Variants in RANBP2 observed in about 807,000 individuals in gnomAD.
RANBP2 encodes E3 SUMO-protein ligase RanBP2.
RANBP2 carries 57 observed loss-of-function variants against 303.6 expected under a neutral mutation model. The ratio of observed to expected loss-of-function variants is 0.19; its 90% CI spans 0.15 to 0.23. The LOEUF is 0.23. RANBP2 is among the 10% of genes least tolerant of loss of function. The probability of loss-of-function intolerance (pLI) is 1.00; values close to 1 mark genes in which losing one functional copy is unlikely to be tolerated. For missense variants in RANBP2, 3,138 were observed against 3,780.8 expected (o/e 0.83, Z 4.46); for synonymous variants, 1,167 against 1,301.5 (o/e 0.90, Z 2.23).
At chr2:109,610,518 C>G in the RANBP2 span, among the ~76,000 whole-genome samples, 1 of 152,100 alleles carries the variant, frequency 6.6e-6, no homozygotes, top group African/African-American at 2.4e-5. Context: ...AGTTCAAGAC[C>G]AGCTTGACCA....
chr2:109,764,408 T>C, the RANBP2 span, among the ~76,000 whole-genome samples: 6 of 147,524 alleles, frequency 4.1e-5, no homozygotes, highest in Non-Finnish European at 8.9e-5. Context: ...ATAATGACCA[T>C]CCCTTTTAAC....
At chr2:109,613,252 C>A in the RANBP2 span, 3 of 1,129,254 alleles carry the variant, frequency 2.7e-6, no homozygotes, top group Admixed American at 2.4e-5. Context: ...AAACAGTGAA[C>A]AAACGCGTTC....
chr2:109,290,606 T>C, the RANBP2 span, among the ~76,000 whole-genome samples: 1 of 152,224 alleles, frequency 6.6e-6, no homozygotes, highest in African/African-American at 2.4e-5. Context: ...AAGTCCTAAG[T>C]CTTCTTGAAG....
chr2:109,621,620 A>T, the RANBP2 span, among the ~76,000 whole-genome samples: 1 of 152,124 alleles, frequency 6.6e-6, no homozygotes, highest in Non-Finnish European at 1.5e-5. Context: ...TTTGCATTTA[A>T]GAGGCAATGA....
At chr2:109,240,050 CA>C in the RANBP2 span, among the ~76,000 whole-genome samples, 1 of 152,150 alleles carries the variant, frequency 6.6e-6, no homozygotes, top group African/African-American at 2.4e-5. Context: ...GGCTCTGGCC[CA>C]GACCCTTCTC....
chr2:108,897,519 T>C, the RANBP2 span, among the ~76,000 whole-genome samples: 1 of 152,142 alleles, frequency 6.6e-6, no homozygotes, highest in African/African-American at 2.4e-5. Context: ...CATGACCATT[T>C]TTAGCAGTTC....
the RANBP2 span, among the ~76,000 whole-genome samples, chr2:109,590,361 C>T: frequency 3.9e-5 from 6 of 151,926 alleles, no homozygotes; most frequent in Admixed American, 3.3e-4. Context: ...GATTAAGGTC[C>T]CAAACCAGTC....
At chr2:109,568,269 C>T in the RANBP2 span, among the ~76,000 whole-genome samples, 2 of 152,056 alleles carry the variant, frequency 1.3e-5, no homozygotes, top group African/African-American at 4.8e-5. Flanking sequence ...TATTCTCAGC[C>T]TGGCCCTTTG....
the RANBP2 span, among the ~76,000 whole-genome samples, chr2:109,044,177 C>G: frequency 6.6e-6 from 1 of 152,066 alleles, no homozygotes; most frequent in South Asian, 2.1e-4. Context: ...AGGGGAGAAA[C>G]CCCATGACAT....
chr2:109,609,057 C>T, the RANBP2 span, among the ~76,000 whole-genome samples: 1 of 152,158 alleles, frequency 6.6e-6, no homozygotes, highest in Non-Finnish European at 1.5e-5. Context: ...ATCAATCAAT[C>T]AATCAATTAA....
At chr2:109,157,605 G>A in the RANBP2 span, among the ~76,000 whole-genome samples, 1 of 152,260 alleles carries the variant, frequency 6.6e-6, no homozygotes, top group Non-Finnish European at 1.5e-5. Context: ...TTGGAACTTG[G>A]GCTTCCTGAA....
the RANBP2 span, among the ~76,000 whole-genome samples, chr2:109,102,060 T>C: frequency 3.3e-5 from 5 of 152,116 alleles, no homozygotes; most frequent in Non-Finnish European, 7.4e-5. Flanking sequence ...CTGCAAAACC[T>C]TAGGAGTGGC....
intron 4 of RANBP2, among the ~76,000 whole-genome samples, chr2:108,733,540 G>C (rs1341800656): frequency 1.3e-5 from 2 of 152,152 alleles, no homozygotes; most frequent in African/African-American, 4.8e-5. Context: ...AAGCATTGAA[G>C]ATGCTTCCAA....
chr2:109,530,245 C>A, the RANBP2 span, among the ~76,000 whole-genome samples: 1 of 152,138 alleles, frequency 6.6e-6, no homozygotes, highest in Non-Finnish European at 1.5e-5. Flanking sequence ...CGAGCTGAGC[C>A]AGAGATCACC....
the RANBP2 span, among the ~76,000 whole-genome samples, chr2:109,647,755 C>T: frequency 3.9e-5 from 6 of 152,264 alleles, no homozygotes; most frequent in Admixed American, 3.3e-4. Flanking sequence ...CAGGCATGAG[C>T]CACCCCGCCC....
chr2:109,183,751 C>T, the RANBP2 span, among the ~76,000 whole-genome samples: 66 of 152,332 alleles, frequency 4.3e-4, no homozygotes, highest in East Asian at 4.8e-3. Context: ...CCCAGCAGCT[C>T]GGTCAGGTCA....
chr2:109,195,847 T>C, the RANBP2 span, among the ~76,000 whole-genome samples: 1 of 152,200 alleles, frequency 6.6e-6, no homozygotes, highest in African/African-American at 2.4e-5. Flanking sequence ...GATCCCGGCA[T>C]GGAGTCTGGC....
At chr2:109,382,199 A>G in the RANBP2 span, among the ~76,000 whole-genome samples, 17 of 152,210 alleles carry the variant, frequency 1.1e-4, no homozygotes, top group African/African-American at 2.9e-4. Context: ...TTTGTAGCCC[A>G]GGAATTTAGG....
chr2:109,554,538 T>C, the RANBP2 span, among the ~76,000 whole-genome samples: 3 of 152,146 alleles, frequency 2.0e-5, no homozygotes, highest in Admixed American at 6.5e-5. Flanking sequence ...CAACTCAGAC[T>C]GGGACAATTT....
Sources: allele counts gnomAD v4.1 joint callset (sites outside exome capture counted in the v4.1 genomes callset), GRCh38; gene constraint gnomAD v4.1.1; transcripts MANE v1.5; gene names NCBI Gene and HGNC (gene_info 2026-07-23, HGNC 2026-07-21).